ADAMTS6: variants seen among roughly 807,000 people sequenced by gnomAD.
The protein encoded by ADAMTS6 is ADAM metallopeptidase with thrombospondin type 1 motif 6.
ADAMTS6 carries 23 observed loss-of-function variants against 144.3 expected under a neutral mutation model. The observed-to-expected ratio is 0.16, with a 90% CI of 0.11 to 0.23. ADAMTS6 has a LOEUF of 0.23. Among genes scored for constraint, ADAMTS6 ranks in the 10% least tolerant of loss-of-function variants. ADAMTS6 has a pLI of 1.00. For synonymous variants in ADAMTS6, 444 were observed against 457.5 expected, an observed-to-expected ratio of 0.97 and a Z score of 0.38; for missense variants, 999 against 1,379.6, an observed-to-expected ratio of 0.72 and a Z score of 4.37.
intron 7 of ADAMTS6, among the ~76,000 whole-genome samples, chr5:65,383,652 C>T (rs1349674999): frequency 1.3e-5 from 2 of 152,112 alleles, no homozygotes; most frequent in Admixed American, 6.5e-5. Flanking sequence ...GTGGCTCTCC[C>T]GGGCTGGAAA....
intron 12 of ADAMTS6, among the ~76,000 whole-genome samples, chr5:65,267,282 C>A (rs927712078): frequency 6.6e-6 from 1 of 152,020 alleles, no homozygotes. Context: ...TGATTTTGGA[C>A]TATTCTAAAT....
chr5:65,371,041 C>G (rs947265395), intron 7 of ADAMTS6, among the ~76,000 whole-genome samples: 3 of 151,988 alleles, frequency 2.0e-5, no homozygotes, highest in African/African-American at 7.2e-5. Context: ...CCGGGTACTC[C>G]AACAGACCTG....
intron 7 of ADAMTS6, among the ~76,000 whole-genome samples, chr5:65,362,857 A>C (rs1749953788): frequency 6.6e-6 from 1 of 152,210 alleles, no homozygotes; most frequent in African/African-American, 2.4e-5. Flanking sequence ...CTGTCAAGAA[A>C]TCTTTTTAAA....
At chr5:65,466,023 T>C (rs543996232) in intron 3 of ADAMTS6, among the ~76,000 whole-genome samples, 42 of 152,354 alleles carry the variant, frequency 2.8e-4, no homozygotes, top group African/African-American at 8.7e-4. Context: ...CAATATCCTA[T>C]ACAACATCTC....
At chr5:65,346,471 T>G (rs1748326247) in intron 7 of ADAMTS6, among the ~76,000 whole-genome samples, 1 of 151,668 alleles carries the variant, frequency 6.6e-6, no homozygotes, top group African/African-American at 2.4e-5. Flanking sequence ...ATAAAAGAAA[T>G]GTATCTCAAC....
intron 11 of ADAMTS6, among the ~76,000 whole-genome samples, chr5:65,288,405 C>T (rs1369220273): frequency 8.6e-5 from 13 of 151,640 alleles, no homozygotes; most frequent in Non-Finnish European, 1.0e-4. Context: ...CTGCAACCTC[C>T]GCTTCCCGGG....
intron 7 of ADAMTS6, among the ~76,000 whole-genome samples, chr5:65,441,723 C>T (rs1757868143): frequency 6.6e-6 from 1 of 151,070 alleles, no homozygotes; most frequent in South Asian, 2.1e-4. Flanking sequence ...GTCATGCAAA[C>T]TATATTATCT....
At chr5:65,331,915 T>C (rs892509132) in intron 8 of ADAMTS6, among the ~76,000 whole-genome samples, 5 of 151,960 alleles carry the variant, frequency 3.3e-5, no homozygotes, top group Non-Finnish European at 5.9e-5. Context: ...TACAAGTTTA[T>C]AATTTGAAAA....
intron 12 of ADAMTS6, among the ~76,000 whole-genome samples, chr5:65,270,713 A>G (rs1761984486): frequency 6.6e-6 from 1 of 152,208 alleles, no homozygotes; most frequent in Non-Finnish European, 1.5e-5. Flanking sequence ...GATAAGTTTT[A>G]GACAGTGATA....
At chr5:65,271,169 C>G (rs1366027141) in intron 12 of ADAMTS6, among the ~76,000 whole-genome samples, 1 of 151,932 alleles carries the variant, frequency 6.6e-6, no homozygotes, top group East Asian at 1.9e-4. Context: ...GTGGGCGGAT[C>G]ACAAGGTCAG....
chr5:65,204,111 C>G (rs1469235950), intron 20 of ADAMTS6, among the ~76,000 whole-genome samples: 1 of 152,166 alleles, frequency 6.6e-6, no homozygotes, highest in Non-Finnish European at 1.5e-5. Context: ...TAAATCTTCA[C>G]ATTAGAGAAA....
At position 65,291,386 on chromosome 5, in the gene ADAMTS6, A is replaced by G. The variant is rs756043260; in HGVS notation, c.1455T>C (p.Asp485=). 11 of 1,614,094 alleles carry G rather than the reference A, an allele frequency of 6.8e-6. No homozygotes were observed. Among genetic ancestry groups the G allele is most frequent in the South Asian group, 1.1e-5 (1 of 91,078 alleles). The stretch of plus-strand genomic sequence containing the variant: ...ACTGGAAACGACATTGCTCATCAGC[A>G]TCATACACCTGACCTGGGGCCACAG... ...YPAVAPGQVY[D]ADEQCRFQYG... The change falls in exon 11 of 25, where the codon GAT becomes GAC. Residue 485 remains aspartate, a synonymous_variant. Transcript: ENST00000381055.
chr5:65,163,228 A>T (rs905037281), intron 24 of ADAMTS6, among the ~76,000 whole-genome samples: 1 of 151,736 alleles, frequency 6.6e-6, no homozygotes, highest in Non-Finnish European at 1.5e-5. Flanking sequence ...TTTTTTTTTT[A>T]AAGATAATTT....
chr5:65,152,120 C>A (rs1752172963), intron 24 of ADAMTS6, among the ~76,000 whole-genome samples, 175 bp from the exon 25 acceptor site: 1 of 152,166 alleles, frequency 6.6e-6, no homozygotes, highest in Non-Finnish European at 1.5e-5. Context: ...GTACAGTCTA[C>A]TAGAAATATT....
intron 9 of ADAMTS6, among the ~76,000 whole-genome samples, chr5:65,322,428 T>A (rs1335077221): frequency 6.6e-6 from 1 of 152,216 alleles, no homozygotes; most frequent in Non-Finnish European, 1.5e-5. Context: ...GGTAGCTTAA[T>A]GGGAAAAGCA....
intron 18 of ADAMTS6, among the ~76,000 whole-genome samples, chr5:65,219,608 T>G (rs777992476): frequency 3.9e-5 from 6 of 152,218 alleles, no homozygotes; most frequent in Non-Finnish European, 7.3e-5. Context: ...GGTATCTCAC[T>G]ATGTTGCCCA....
At chr5:65,279,347 C>T (rs539076981) in intron 11 of ADAMTS6, among the ~76,000 whole-genome samples, 3 of 152,170 alleles carry the variant, frequency 2.0e-5, no homozygotes, top group East Asian at 3.9e-4. Flanking sequence ...GACATAGTCT[C>T]GTTCTGTCAC....
intron 7 of ADAMTS6, among the ~76,000 whole-genome samples, chr5:65,406,205 G>C (rs994228699): frequency 6.6e-6 from 1 of 152,174 alleles, no homozygotes; most frequent in Non-Finnish European, 1.5e-5. Context: ...TGGTGAGAGA[G>C]GGCATCCTTG....
At chr5:65,370,908 A>G (rs1750823938) in intron 7 of ADAMTS6, among the ~76,000 whole-genome samples, 1 of 152,216 alleles carries the variant, frequency 6.6e-6, no homozygotes, top group Non-Finnish European at 1.5e-5. Flanking sequence ...TGATTCTCCC[A>G]GCACACAGCT....
Sources: allele counts gnomAD v4.1 joint callset (sites outside exome capture counted in the v4.1 genomes callset), GRCh38; gene constraint gnomAD v4.1.1; transcripts MANE v1.5; gene names NCBI Gene and HGNC (gene_info 2026-07-23, HGNC 2026-07-21).